Variants in POC5 observed in about 807,000 individuals in gnomAD.
POC5 encodes the protein centrosomal protein POC5.
Under a neutral mutation model 62.9 loss-of-function variants are expected in POC5, and 48 were observed. The ratio of observed to expected loss-of-function variants is 0.76; its 90% CI spans 0.61 to 0.97. The LOEUF is 0.97. POC5 is among the 50% of genes least tolerant of loss of function. The pLI is 0.00. For synonymous variants in POC5, 236 were observed against 228.2 expected (o/e 1.03, Z -0.31); for missense variants, 696 against 679.5 (o/e 1.02, Z -0.27).
chr5:75,703,385 T>C (rs915162878), intron 4 of POC5, among the ~76,000 whole-genome samples: 2 of 152,088 alleles, frequency 1.3e-5, no homozygotes, highest in Non-Finnish European at 2.9e-5. Context: ...CCTAGCACTT[T>C]GGGAGGCCGA....
At chr5:75,715,182 C>T (rs184476531) in intron 1 of POC5, among the ~76,000 whole-genome samples, 146 of 151,746 alleles carry the variant, frequency 9.6e-4, no homozygotes, top group African/African-American at 3.3e-3. Flanking sequence ...TGGTGGTGGG[C>T]GCCTGTAGTC....
rs1410979560 is a variant in POC5 at position 75,714,347 on chromosome 5, A to G, written c.-14-1396T>C. Among the ~76,000 whole-genome samples, 4 of 152,094 alleles carry G rather than the reference A, an allele frequency of 2.6e-5. No individual in the cohort carries two copies. The East Asian group carries it at 7.7e-4, about 29-fold the overall frequency. On this transcript the variant is annotated intron_variant, in intron 1 of 11. Coordinates refer to ENST00000428202, the MANE Select transcript of POC5 (RefSeq NM_001099271.2). ...CAGTGAGCCAAGATCGCACCACTGC[A>G]CTCCAGCCTGGGTGACAGAGACTCC... is the stretch of plus-strand genomic sequence containing the variant.
chr5:75,679,047 T>C (rs1775779717), intron 10 of POC5, among the ~76,000 whole-genome samples: 1 of 152,190 alleles, frequency 6.6e-6, no homozygotes, highest in Admixed American at 6.5e-5. Flanking sequence ...TTAAATTTAA[T>C]AGTTCCTGAC....
At chr5:75,709,588 T>C (rs943710725) in intron 2 of POC5, 39 of 152,220 alleles carry the variant, frequency 2.6e-4, no homozygotes, top group African/African-American at 9.2e-4. Flanking sequence ...TATGTGCTGC[T>C]GAAGCGAGCA....
rs973035041 is a variant in POC5 at position 75,685,873 on chromosome 5, T to C, written c.1130-389A>G. On this transcript the variant is annotated intron_variant, in intron 9 of 11. Transcript: ENST00000428202. ...GTATTAGTTCATACAAATATCCTGA[T>C]AGATGGCCAAAATGACCTGCAATCA... Among the ~76,000 whole-genome samples, 22 of 152,186 alleles carry C rather than the reference T, an allele frequency of 1.4e-4. 1 individual carries two copies. The highest frequency in any genetic ancestry group is 1.2e-3 in the Admixed American group (18 of 15,278).
Position 75,689,094 on chromosome 5 carries a change from A to C in POC5, c.1047T>G (p.Asp349Glu). The change falls in exon 9 of 12, where the codon GAT (aspartate) becomes GAG (glutamate). Residue 349 changes from aspartate (D) to glutamate (E), a missense_variant. Physicochemically the swap from Asp to Glu is conservative, Grantham distance 45. Coordinates refer to ENST00000428202, the MANE Select transcript of POC5 (RefSeq NM_001099271.2). ...CCCTCATGAAAGCTTTTTTCATGGAATCTTCAAAGTGCTCTTTTTCATGTT... is the reference window on the plus strand; with the variant it reads ...CCCTCATGAAAGCTTTTTTCATGGACTCTTCAAAGTGCTCTTTTTCATGTT... Reference protein sequence around the residue: ...RMQHEKEHFEDSMKKAFMRGV... With the variant: ...RMQHEKEHFEESMKKAFMRGV... 6.3e-7 allele frequency: 1 copy of C among 1,599,778 alleles called. No individual in the cohort carries two copies.
intron 4 of POC5, 66 bp from the exon 5 acceptor site, chr5:75,702,876 T>C: frequency 2.3e-6 from 3 of 1,294,000 alleles, no homozygotes; most frequent in Admixed American, 2.3e-5. Flanking sequence ...TAAGGAACCA[T>C]ACTGGAAGGC....
At chr5:75,676,351 T>TC (rs1775650310) in intron 11 of POC5, among the ~76,000 whole-genome samples, 1 of 152,212 alleles carries the variant, frequency 6.6e-6, no homozygotes, top group Non-Finnish European at 1.5e-5. Context: ...CTACGAACTT[T>TC]CAGAGTCTGT....
Position 75,674,256 on chromosome 5 carries a change from A to G in POC5, c.*179T>C, listed in dbSNP as rs1025228900. ...TGCTTAAATAAAAAATAACATTAAA[A>G]TAATTTCTACATATAGTTACAAAGC... On this transcript the variant is annotated 3_prime_UTR_variant, in exon 12 of 12. Coordinates refer to ENST00000428202, the MANE Select transcript of POC5 (RefSeq NM_001099271.2). 2.1e-6 allele frequency: 1 copy of G among 469,252 alleles called. No homozygotes were observed. The highest frequency in any genetic ancestry group is 3.5e-6 in the Non-Finnish European group (1 of 286,948). The allele number at this position is 469,252 out of a possible 1,614,324, so 29.1% of individuals were successfully genotyped here.
intron 5 of POC5, among the ~76,000 whole-genome samples, 155 bp from the exon 6 acceptor site, chr5:75,694,986 G>C (rs1776500288): frequency 6.6e-6 from 1 of 152,126 alleles, no homozygotes; most frequent in Admixed American, 6.5e-5. Flanking sequence ...ACATATGTAA[G>C]TTCAACAGTC....
At chr5:75,708,893 C>T (rs1777230858) in intron 2 of POC5, among the ~76,000 whole-genome samples, 1 of 152,024 alleles carries the variant, frequency 6.6e-6, no homozygotes, top group Non-Finnish European at 1.5e-5. Flanking sequence ...AGTGCAGTGG[C>T]ATGGTCTTGG....
chr5:75,681,230 G>A (rs1433863508), intron 10 of POC5, among the ~76,000 whole-genome samples: 2 of 152,066 alleles, frequency 1.3e-5, no homozygotes, highest in Non-Finnish European at 2.9e-5. Flanking sequence ...CGTGTCCTTA[G>A]GCAAGTTGCA....
intron 2 of POC5, chr5:75,712,241 T>C (rs1336167333): frequency 1.8e-6 from 2 of 1,136,086 alleles, no homozygotes; most frequent in Non-Finnish European, 2.6e-6. Context: ...AAATTTAAGA[T>C]ATACCATGTC....
intron 5 of POC5, among the ~76,000 whole-genome samples, chr5:75,699,677 T>TC (rs1324722140): frequency 7.0e-6 from 1 of 143,678 alleles, no homozygotes; most frequent in East Asian, 2.0e-4. Flanking sequence ...ATGCCCTCTC[T>TC]CACCACTCCT....
chr5:75,694,618 C>G, intron 6 of POC5, 37 bp downstream of exon 6: 1 of 1,372,632 alleles, frequency 7.3e-7, no homozygotes, highest in Non-Finnish European at 9.8e-7. Flanking sequence ...AAGACATTTA[C>G]TGAATCTCAG....
At chr5:75,678,053 A>AAG in intron 10 of POC5, 103 bp from the exon 11 acceptor site, 1 of 946,218 alleles carries the variant, frequency 1.1e-6, no homozygotes, top group Non-Finnish European at 1.4e-6. Flanking sequence ...ACTTAAAATA[A>AAG]CTGTATGTTC....
At chr5:75,713,688 T>A (rs1039721085) in intron 1 of POC5, among the ~76,000 whole-genome samples, 1 of 152,150 alleles carries the variant, frequency 6.6e-6, no homozygotes, top group African/African-American at 2.4e-5. Context: ...TGGGGTAAGA[T>A]TGCATGACTG....
intron 5 of POC5, among the ~76,000 whole-genome samples, chr5:75,698,958 G>A (rs1180588162): frequency 6.6e-6 from 1 of 152,080 alleles, no homozygotes; most frequent in Non-Finnish European, 1.5e-5. Context: ...AAATAAACTA[G>A]AAAATCTAGA....
chr5:75,695,044 T>C (rs1561471343), intron 5 of POC5, among the ~76,000 whole-genome samples: 1 of 152,206 alleles, frequency 6.6e-6, no homozygotes, highest in Non-Finnish European at 1.5e-5. Flanking sequence ...GCTAATTTTT[T>C]CCTATTTTAA....
Sources: gnomAD v4.1 joint callset for allele counts (sites outside exome capture counted in the v4.1 genomes callset) on GRCh38, gnomAD v4.1.1 for gene constraint, MANE v1.5 for transcripts, NCBI Gene and HGNC (gene_info 2026-07-23, HGNC 2026-07-21) for gene names.